The following TTC6 variants were observed in gnomAD, a reference collection of about 807,000 sequenced individuals.
The protein encoded by TTC6 is tetratricopeptide repeat domain 6, also known as tetratricopeptide repeat protein 6.
Under a neutral mutation model 210.4 loss-of-function variants are expected in TTC6, and 172 were observed. The ratio of observed to expected loss-of-function variants is 0.82; its 90% CI spans 0.72 to 0.93. TTC6 has a LOEUF of 0.93. Among genes scored for constraint, TTC6 ranks in the 40% least tolerant of loss-of-function variants. The pLI is 0.00. For synonymous variants in TTC6, 804 were observed against 819.6 expected (o/e 0.98, Z 0.32); for missense variants, 2,414 against 2,318.1 (o/e 1.04, Z -0.85).
intron 5 of TTC6, among the ~76,000 whole-genome samples, chr14:37,711,895 G>T (rs2095845323): frequency 6.6e-6 from 1 of 152,122 alleles, no homozygotes; most frequent in South Asian, 2.1e-4. Context: ...ATTACTGTTG[G>T]GAGTGAGGAA....
chr14:37,608,931 A>G (rs1336230981), intron 2 of TTC6, among the ~76,000 whole-genome samples: 1 of 152,184 alleles, frequency 6.6e-6, no homozygotes, highest in African/African-American at 2.4e-5. Context: ...AGGAAATCAT[A>G]GTGTTTCAAT....
At chr14:37,633,294 A>G (rs1301136898) in intron 1 of TTC6, among the ~76,000 whole-genome samples, 3 of 152,124 alleles carry the variant, frequency 2.0e-5, no homozygotes, top group African/African-American at 7.2e-5. Context: ...TGTTGCGAAG[A>G]CCGTGGGAAA....
chr14:37,650,866 G>C (rs1042303798), intron 1 of TTC6, among the ~76,000 whole-genome samples: 3 of 152,188 alleles, frequency 2.0e-5, no homozygotes, highest in Non-Finnish European at 4.4e-5. Flanking sequence ...TGGGCAATTT[G>C]GTTACTTACA....
intron 1 of TTC6, among the ~76,000 whole-genome samples, chr14:37,678,308 C>T (rs1409666799): frequency 6.6e-6 from 1 of 152,138 alleles, no homozygotes; most frequent in Non-Finnish European, 1.5e-5. Flanking sequence ...ACGTATCTTG[C>T]ATGTCTGGTG....
intron 6 of TTC6, chr14:37,720,688 C>T (rs190533237): frequency 6.6e-5 from 10 of 151,930 alleles, no homozygotes; most frequent in Admixed American, 2.0e-4. Flanking sequence ...TTCATACATG[C>T]GATAACAATG....
chr14:37,723,477 A>C (rs1340709308), intron 6 of TTC6, among the ~76,000 whole-genome samples: 1 of 152,218 alleles, frequency 6.6e-6, no homozygotes, highest in African/African-American at 2.4e-5. Context: ...TTACTGATGC[A>C]TCCAACTCTA....
intron 30 of TTC6, 96 bp from the exon 33 acceptor site, chr14:37,842,058 AT>A: frequency 8.6e-7 from 1 of 1,162,502 alleles, no homozygotes; most frequent in Non-Finnish European, 1.2e-6. Context: ...CATTGAGTTA[AT>A]TTTTTTAAAA....
chr14:37,756,984 T>C (rs1566934102), intron 14 of TTC6, among the ~76,000 whole-genome samples: 1 of 152,146 alleles, frequency 6.6e-6, no homozygotes, highest in Non-Finnish European at 1.5e-5. Context: ...GGTCCTTGAC[T>C]TTTTTTGGTT....
chr14:37,777,359 CT>C (rs1051064242), intron 14 of TTC6, among the ~76,000 whole-genome samples: 17 of 89,150 alleles, frequency 1.9e-4, no homozygotes, highest in Non-Finnish European at 3.7e-4. Context: ...TCTTTGAACT[CT>C]AGATTTTTTT....
chr14:37,608,845 T>C (rs1377106118), intron 2 of TTC6, among the ~76,000 whole-genome samples: 3 of 152,202 alleles, frequency 2.0e-5, no homozygotes, highest in South Asian at 2.1e-4. Context: ...ACTCATACTG[T>C]AGTGAACTAC....
At chr14:37,780,622 T>C (rs1378703928) in intron 14 of TTC6, among the ~76,000 whole-genome samples, 2 of 152,172 alleles carry the variant, frequency 1.3e-5, no homozygotes, top group Non-Finnish European at 2.9e-5. Flanking sequence ...GGTATATATG[T>C]ACCACATTTT....
At chr14:37,790,182 A>C (rs1428974723) in intron 15 of TTC6, among the ~76,000 whole-genome samples, 56 of 151,884 alleles carry the variant, frequency 3.7e-4, no homozygotes, top group Admixed American at 3.7e-3. Context: ...CTTACCTCCA[A>C]GCTCTGTTTG....
At chr14:37,646,072 A>G (rs1184851086) in intron 1 of TTC6, among the ~76,000 whole-genome samples, 4 of 152,184 alleles carry the variant, frequency 2.6e-5, no homozygotes, top group Non-Finnish European at 5.9e-5. Context: ...TGGGAATATC[A>G]GGAACCATAG....
In TTC6 at chr14:37,732,215, C is replaced by G. The variant is rs866298496; in HGVS notation, c.1819-3706C>G. On this transcript the variant is annotated intron_variant, in intron 7 of 30. Coordinates refer to ENST00000553443, the Ensembl canonical transcript of TTC6. ...TTTTTTTTTTTGAGAGAGAGTCTCACTCTGTCACCCAGGCTGGAGTGCAGT... is the reference window on the plus strand; with the variant it reads ...TTTTTTTTTTTGAGAGAGAGTCTCAGTCTGTCACCCAGGCTGGAGTGCAGT... Among the ~76,000 whole-genome samples, 338 of 112,470 alleles carry G rather than the reference C, an allele frequency of 3.0e-3. 3 individuals are homozygous for G. Among genetic ancestry groups the G allele is most frequent in the African/African-American group, 0.012 (316 of 27,374 alleles). 73.8% of individuals were successfully genotyped at this position (112,470 alleles called of 152,430 possible).
rs554153271 is a variant in TTC6, at chr14:37,805,378, C to T, written c.4164+564C>T. 2.0e-5 allele frequency among the ~76,000 whole-genome samples: 3 copies of T among 151,424 alleles called. No homozygotes were observed. In the East Asian group the frequency reaches 5.8e-4, roughly 29 times the overall value. ...AATATGTAAAATAATTGATACTATC[C>T]AATGGCTAATGTTGGATATTCTACA... is the stretch of plus-strand genomic sequence containing the variant. On this transcript the variant is annotated intron_variant, in intron 21 of 30. Transcript: ENST00000553443.
At chr14:37,748,939 A>G (rs889164331) in exon 11 of TTC6, 3 of 1,463,636 alleles carry the variant, frequency 2.0e-6, no homozygotes, top group Admixed American at 2.7e-5. Context: ...TAAAAACTAG[A>G]TCAGCATCTC....
intron 14 of TTC6, among the ~76,000 whole-genome samples, chr14:37,774,551 C>T (rs59375635): frequency 0.024 from 3,613 of 152,142 alleles, 145 homozygotes; most frequent in African/African-American, 0.083. Context: ...TTGATTTGCA[C>T]GTGTGTAAAC....
chr14:37,671,502 G>A (rs181093151), intron 1 of TTC6, among the ~76,000 whole-genome samples: 11 of 152,190 alleles, frequency 7.2e-5, no homozygotes, highest in African/African-American at 2.6e-4. Flanking sequence ...ATCAGGATAG[G>A]TGAACACATA....
At position 37,792,463 on chromosome 14, in the gene TTC6, C is replaced by A. The variant is rs1431102615; in HGVS notation, c.3708+49C>A. The A allele has an allele frequency of 4.3e-6, 6 of 1,383,850 alleles. No homozygotes were observed. The South Asian group carries it at 8.3e-5, about 19-fold the overall frequency. The allele number at this position is 1,383,850 out of a possible 1,614,324, so 85.7% of individuals were successfully genotyped here. A position where few individuals can be genotyped will look rare whatever the true frequency, so the allele number is the denominator to read the frequency against. On this transcript the variant is annotated intron_variant, in intron 17 of 30. Transcript: ENST00000553443. ...ATTTTTTTAAAAAAACTTTAATTTT[C>A]TGGATATTTGTTCAACATAATTTTA... is the stretch of plus-strand genomic sequence containing the variant.
Sources: allele counts gnomAD v4.1 joint callset (sites outside exome capture counted in the v4.1 genomes callset), GRCh38; gene constraint gnomAD v4.1.1; transcripts MANE v1.5; gene names NCBI Gene and HGNC (gene_info 2026-07-23, HGNC 2026-07-21).